The following MRPS6 variants were observed in gnomAD, a reference collection of about 807,000 sequenced individuals.
MRPS6 encodes the protein mitochondrial ribosomal protein S6, also known as small ribosomal subunit protein bS6m.
MRPS6 carries 6 observed loss-of-function variants against 13.1 expected under a neutral mutation model. The observed-to-expected ratio is 0.46, with a 90% CI of 0.25 to 0.91. MRPS6 has a LOEUF of 0.91. Among genes scored for constraint, MRPS6 ranks in the 40% least tolerant of loss-of-function variants. The probability of loss-of-function intolerance (pLI) is 0.18; values close to 1 mark genes in which losing one functional copy is unlikely to be tolerated. For synonymous variants in MRPS6, 61 were observed against 56.5 expected (o/e 1.08, Z -0.36); for missense variants, 164 against 155.6 (o/e 1.05, Z -0.29).
rs753208384 is a variant in MRPS6, at chr21:34,096,344, C to G, written c.45+22599C>G. On this transcript the variant is annotated intron_variant, in intron 1 of 2. Coordinates refer to ENST00000399312, the MANE Select transcript of MRPS6 (RefSeq NM_032476.4). This position sits in a 1 kb window ranked among gnomAD's most constrained non-coding sequence, Gnocchi z 5.9. ...CTCTGATGAGTGACTTAGACTCTAT[C>G]TTTAACAGTGCCAGTACCATATTCA... The G allele has an allele frequency of 3.7e-6, 6 of 1,614,136 alleles. No homozygotes were observed. Among genetic ancestry groups the G allele is most frequent in the Admixed American group, 1.7e-5 (1 of 60,014 alleles).
intron 1 of MRPS6, chr21:34,097,307 T>C (rs1979011157): frequency 6.2e-7 from 1 of 1,611,110 alleles, no homozygotes; most frequent in Non-Finnish European, 8.5e-7. Context: ...TTGGACTTTT[T>C]GCTGTGTGTT....
At chr21:34,091,224 T>C (rs1234011833) in intron 1 of MRPS6, among the ~76,000 whole-genome samples, 3 of 149,402 alleles carry the variant, frequency 2.0e-5, no homozygotes, top group Non-Finnish European at 4.4e-5. Context: ...GGTGGTTGTT[T>C]GGTCACGTTT....
intron 1 of MRPS6, among the ~76,000 whole-genome samples, chr21:34,117,632 T>G (rs1569422359): frequency 6.6e-6 from 1 of 152,154 alleles, no homozygotes; most frequent in Non-Finnish European, 1.5e-5. Context: ...AGGAAGACAC[T>G]TTGAGAAGAA....
At position 34,073,600 on chromosome 21, in the gene MRPS6, C is replaced by A; in HGVS notation, c.-101C>A. On this transcript the variant is annotated 5_prime_UTR_variant, in exon 1 of 3. Transcript: ENST00000399312. ...CGTGCTTTCGCCGCCTGGGAGCCGT[C>A]CGGCGCAGCAGTTTCTAGGTCCCCA... 3 of 1,054,034 alleles carry A rather than the reference C, an allele frequency of 2.8e-6. No homozygotes were observed. Among genetic ancestry groups the A allele is most frequent in the South Asian group, 1.4e-5 (1 of 70,918 alleles). 65.3% of individuals were successfully genotyped at this position (1,054,034 alleles called of 1,614,324 possible).
At chr21:34,092,125 C>CATATAT (rs143732686) in intron 1 of MRPS6, among the ~76,000 whole-genome samples, 76 of 149,454 alleles carry the variant, frequency 5.1e-4, no homozygotes, top group African/African-American at 1.4e-3. Context: ...GGAAGAAAAA[C>CATATAT]ATATATATAT....
At chr21:34,122,095 C>G (rs1027757589) in intron 1 of MRPS6, 1 of 152,232 alleles carries the variant, frequency 6.6e-6, no homozygotes, top group Non-Finnish European at 1.5e-5. Context: ...CTGCCAGCTT[C>G]CCTCAGCCCA....
chr21:34,081,789 G>C (rs1313541042), intron 1 of MRPS6, among the ~76,000 whole-genome samples: 2 of 152,114 alleles, frequency 1.3e-5, no homozygotes, highest in African/African-American at 4.8e-5. Flanking sequence ...GAACTTCATT[G>C]CCTAGTTTTT....
intron 1 of MRPS6, among the ~76,000 whole-genome samples, chr21:34,112,393 AAGAC>A (rs1369712871): frequency 3.3e-5 from 5 of 149,820 alleles, no homozygotes; most frequent in Admixed American, 1.3e-4. Context: ...TTACAGAAGA[AAGAC>A]ACGTTTATAG....
intron 1 of MRPS6, among the ~76,000 whole-genome samples, chr21:34,086,083 G>A (rs1336299725): frequency 6.6e-6 from 1 of 152,116 alleles, no homozygotes; most frequent in Non-Finnish European, 1.5e-5. Context: ...CTCTTACTCT[G>A]TAATAGCTTC....
chr21:34,090,238 C>T (rs1259081614), intron 1 of MRPS6, among the ~76,000 whole-genome samples: 2 of 152,122 alleles, frequency 1.3e-5, no homozygotes, highest in Non-Finnish European at 2.9e-5. Context: ...ACTGATGAAC[C>T]GCTACAGTAT....
At chr21:34,103,711 A>G in intron 1 of MRPS6, 1 of 1,000,134 alleles carries the variant, frequency 1.0e-6, no homozygotes, top group Non-Finnish European at 1.2e-6. Context: ...CAGTATTGAT[A>G]AGCCCAAGAC....
Position 34,096,601 on chromosome 21 carries a change from A to T in MRPS6, c.45+22856A>T. 2 of 1,614,108 alleles carry T rather than the reference A, an allele frequency of 1.2e-6. No individual in the cohort carries two copies. The highest frequency in any genetic ancestry group is 1.7e-6 in the Non-Finnish European group (2 of 1,179,984). On this transcript the variant is annotated intron_variant, in intron 1 of 2. Coordinates refer to ENST00000399312, the MANE Select transcript of MRPS6 (RefSeq NM_032476.4). The surrounding 1 kb of genome is among the most constrained non-coding windows in gnomAD (Gnocchi z 5.9). The stretch of plus-strand genomic sequence containing the variant: ...ATTTTCTGGAAGCGCTGCAATGAAC[A>T]AGGGGCTTTCTATGGTGGAATGGCT...
intron 1 of MRPS6, chr21:34,103,856 A>G: frequency 1.0e-6 from 1 of 1,000,174 alleles, no homozygotes; most frequent in African/African-American, 1.7e-5. Context: ...ACTAGCTAAA[A>G]TGGGGTTTGA....
At chr21:34,124,862 G>A (rs1980245372) in intron 1 of MRPS6, 1 of 154,052 alleles carries the variant, frequency 6.5e-6, no homozygotes, top group Admixed American at 6.4e-5. Flanking sequence ...TCCCCCTTTT[G>A]GTTACAGTCT....
intron 2 of MRPS6, among the ~76,000 whole-genome samples, chr21:34,136,622 G>A (rs181604326): frequency 6.6e-6 from 1 of 152,080 alleles, no homozygotes; most frequent in African/African-American, 2.4e-5. Flanking sequence ...TGAAATGTCT[G>A]TTCAAATCTT....
chr21:34,095,136 T>C, intron 1 of MRPS6: 1 of 1,530,568 alleles, frequency 6.5e-7, no homozygotes. Context: ...CTGGGGTTAC[T>C]AAAAATAAAT....
chr21:34,116,864 T>A (rs1979936443), intron 1 of MRPS6, among the ~76,000 whole-genome samples: 1 of 152,066 alleles, frequency 6.6e-6, no homozygotes, highest in Non-Finnish European at 1.5e-5. Context: ...TAAACAAGCC[T>A]CTTTAAGATA....
At chr21:34,119,201 A>G (rs2834380) in intron 1 of MRPS6, among the ~76,000 whole-genome samples, 77,544 of 152,112 alleles carry the variant, frequency 0.51, 21,227 homozygotes, top group East Asian at 0.73. Flanking sequence ...TGTGGAATCA[A>G]TTTCATAGTT....
At chr21:34,118,070 G>A (rs1361471896) in intron 1 of MRPS6, among the ~76,000 whole-genome samples, 2 of 151,864 alleles carry the variant, frequency 1.3e-5, no homozygotes, top group East Asian at 3.9e-4. Context: ...TTAAAATTTG[G>A]GGTATTTTTG....
Sources: gnomAD v4.1 joint callset for allele counts (sites outside exome capture counted in the v4.1 genomes callset) on GRCh38, gnomAD v4.1.1 for gene constraint, Gnocchi (gnomAD v3.1) non-coding constraint, MANE v1.5 for transcripts, NCBI Gene and HGNC (gene_info 2026-07-23, HGNC 2026-07-21) for gene names.